The following PSME4 variants were observed in gnomAD, a reference collection of about 807,000 sequenced individuals.
PSME4 encodes proteasome activator complex subunit 4.
A neutral mutation model predicts 253.9 loss-of-function variants in PSME4; 89 were observed. The ratio of observed to expected loss-of-function variants is 0.35; its 90% CI spans 0.30 to 0.42. The LOEUF (loss-of-function observed/expected upper bound fraction) is 0.42. Among genes scored for constraint, PSME4 ranks in the 10% least tolerant of loss-of-function variants. The probability of loss-of-function intolerance (pLI) is 1.00; values close to 1 mark genes in which losing one functional copy is unlikely to be tolerated. For missense variants in PSME4, 2,014 were observed against 2,195.2 expected (o/e 0.92, Z 1.65); for synonymous variants, 851 against 759.2 (o/e 1.12, Z -1.99).
chr2:53,925,078 T>C (rs1668501142), intron 14 of PSME4, among the ~76,000 whole-genome samples: 1 of 152,220 alleles, frequency 6.6e-6, no homozygotes. Flanking sequence ...ACAACTCTCT[T>C]ATGCTTAGGA....
At chr2:53,900,048 AT>A in intron 28 of PSME4, 31 bp from the exon 29 acceptor site, 3 of 1,601,476 alleles carry the variant, frequency 1.9e-6, no homozygotes, top group Non-Finnish European at 2.6e-6. Context: ...AGGAAAAAAA[AT>A]GAAGTTCTGA....
chr2:53,947,704 T>TCAAAACGAAA (rs1553339675), intron 3 of PSME4, among the ~76,000 whole-genome samples: 6 of 148,492 alleles, frequency 4.0e-5, no homozygotes, highest in Non-Finnish European at 7.4e-5. Flanking sequence ...AGACTCCATC[T>TCAAAACGAAA]CAAAACAAAA....
chr2:53,910,727 T>C (rs1667793395), intron 20 of PSME4, among the ~76,000 whole-genome samples: 1 of 152,206 alleles, frequency 6.6e-6, no homozygotes, highest in Admixed American at 6.5e-5. Context: ...GCCAGTTAAA[T>C]TCATTGAACA....
chr2:53,917,820 T>C (rs1484763568), intron 20 of PSME4, among the ~76,000 whole-genome samples: 1 of 152,222 alleles, frequency 6.6e-6, no homozygotes, highest in Non-Finnish European at 1.5e-5. Flanking sequence ...TTTTTAAATA[T>C]TGTTCAAAAT....
chr2:53,919,054 T>A, intron 20 of PSME4, 97 bp downstream of exon 20: 6 of 1,198,484 alleles, frequency 5.0e-6, no homozygotes, highest in Admixed American at 2.6e-5. Context: ...GTTAAAGTGA[T>A]ACAGAAATAA....
chr2:53,915,249 T>G (rs1668004207), intron 20 of PSME4, among the ~76,000 whole-genome samples: 1 of 152,018 alleles, frequency 6.6e-6, no homozygotes, highest in Non-Finnish European at 1.5e-5. Context: ...GAGACCAGCC[T>G]AGGCAACAAA....
chr2:53,880,232 G>A (rs947653754), intron 41 of PSME4, among the ~76,000 whole-genome samples: 60 of 152,296 alleles, frequency 3.9e-4, no homozygotes, highest in Middle Eastern at 3.4e-3. Context: ...AAGGTACGAG[G>A]AGCACTTGAA....
At position 53,892,587 on chromosome 2, in the gene PSME4, C is replaced by T. The variant is rs369235449; in HGVS notation, c.4191+221G>A. 7.2e-5 allele frequency among the ~76,000 whole-genome samples: 11 copies of T among 151,918 alleles called. No homozygotes were observed. In the South Asian group the frequency reaches 2.3e-3, roughly 32 times the overall value. ...TTTTAATTTTTTTTAAATTTTTTCC[C>T]CCAATGTGGATAAAAACTTCAAAAA... On this transcript the variant is annotated intron_variant, in intron 36 of 46. Coordinates refer to ENST00000404125, the MANE Select transcript of PSME4 (RefSeq NM_014614.3).
At position 53,941,918 on chromosome 2, in the gene PSME4, T is replaced by C. The variant is rs1351381837; in HGVS notation, c.501-1918A>G. Among the ~76,000 whole-genome samples the C allele has an allele frequency of 2.0e-5, 3 of 152,174 alleles. No individual in the cohort carries two copies. In the East Asian group the frequency reaches 5.8e-4, roughly 29 times the overall value. On this transcript the variant is annotated intron_variant, in intron 3 of 46. Transcript: ENST00000404125. ...TTTCGCATAATGTCATAAACGATTC[T>C]AGAAAGCAAGTCATAAAAGGCTGCA...
Position 53,865,570 on chromosome 2 carries a change from T to A in PSME4, c.*8A>T, listed in dbSNP as rs1251795110. 1 of 152,392 alleles carries A rather than the reference T, an allele frequency of 6.6e-6. No individual in the cohort carries two copies. The allele number at this position is 152,392 out of a possible 1,614,324, so 9.4% of individuals were successfully genotyped here. A position where few individuals can be genotyped will look rare whatever the true frequency, so the allele number is the denominator to read the frequency against. ...GAAAAGAGCCTGAAGTGAGGACTAG[T>A]CATCTGTATCAGGGAGGAAAAAATT... On this transcript the variant is annotated 3_prime_UTR_variant, in exon 47 of 47. Coordinates refer to ENST00000404125, the MANE Select transcript of PSME4 (RefSeq NM_014614.3).
chr2:53,957,691 A>C (rs1670297758), intron 1 of PSME4, among the ~76,000 whole-genome samples: 1 of 152,214 alleles, frequency 6.6e-6, no homozygotes, highest in South Asian at 2.1e-4. Context: ...CCAAATAAGC[A>C]GAGTAAAATG....
rs1324703863 is a variant in PSME4, at chr2:53,875,725, C to T, written c.4846G>A (p.Asp1616Asn). The change falls in exon 42 of 47, where the codon GAT becomes AAT. Residue 1616 changes from aspartate to asparagine, a missense_variant. Asp to Asn is a conservative substitution (Grantham distance 23). Around this residue, in one of 4 missense-constraint regions of PSME4, gnomAD observed 403 missense variants for 556.1 expected, o/e 0.72. Transcript: ENST00000404125. Reference sequence around the variant, plus strand: ...AACTTTGCATCTCTTTTCAGTTCATCGTAGCTATTGTCATTTTCCACTGGG... The same window carrying T: ...AACTTTGCATCTCTTTTCAGTTCATTGTAGCTATTGTCATTTTCCACTGGG... ...IAPVENDNSY[D>N]ELKRDAKLCL... The T allele has an allele frequency of 6.2e-7, 1 of 1,612,678 alleles. No individual in the cohort carries two copies. Among genetic ancestry groups the T allele is most frequent in the Non-Finnish European group, 8.5e-7 (1 of 1,179,246 alleles).
chr2:53,879,961 GT>G (rs775566993), intron 41 of PSME4, among the ~76,000 whole-genome samples: 7 of 151,994 alleles, frequency 4.6e-5, no homozygotes, highest in Non-Finnish European at 1.0e-4. Context: ...GTTTTAAAAG[GT>G]TAAAAAAATT....
chr2:53,920,048 T>A (rs1290017703), intron 19 of PSME4, 145 bp downstream of exon 19: 2 of 744,944 alleles, frequency 2.7e-6, no homozygotes, highest in Admixed American at 5.5e-5. Context: ...TTATACAACA[T>A]TATATTAAAT....
At chr2:53,935,138 G>T (rs927751515) in intron 7 of PSME4, among the ~76,000 whole-genome samples, 3 of 152,116 alleles carry the variant, frequency 2.0e-5, no homozygotes, top group Non-Finnish European at 2.9e-5. Context: ...CAACCTAAAT[G>T]CAAGTATCTT....
chr2:53,879,801 C>CAGAAAAAA (rs1679295823), intron 41 of PSME4, among the ~76,000 whole-genome samples: 1 of 89,946 alleles, frequency 1.1e-5, no homozygotes, highest in Admixed American at 1.3e-4. Context: ...GACCCTGTCT[C>CAGAAAAAA]AAAAAAAAAA....
chr2:53,952,074 T>C (rs917579923), intron 1 of PSME4, among the ~76,000 whole-genome samples: 1 of 146,924 alleles, frequency 6.8e-6, no homozygotes, highest in Non-Finnish European at 1.5e-5. Flanking sequence ...AACACATTTT[T>C]AAGATAAAGA....
chr2:53,905,532 C>T (rs547779569), intron 26 of PSME4, among the ~76,000 whole-genome samples: 2 of 152,100 alleles, frequency 1.3e-5, no homozygotes, highest in Non-Finnish European at 2.9e-5. Context: ...GAGACCTTAT[C>T]TCTATTAAAA....
chr2:53,964,433 T>C (rs1045270833), intron 1 of PSME4, among the ~76,000 whole-genome samples: 4 of 152,216 alleles, frequency 2.6e-5, no homozygotes, highest in African/African-American at 7.2e-5. Flanking sequence ...TCCTTTTTTT[T>C]CCCCTTATGG....
Sources: gnomAD v4.1 joint callset for allele counts (sites outside exome capture counted in the v4.1 genomes callset) on GRCh38, gnomAD v4.1.1 for gene constraint, gnomAD v4.1.1 regional missense constraint, MANE v1.5 for transcripts, NCBI Gene and HGNC (gene_info 2026-07-23, HGNC 2026-07-21) for gene names.